The following ITSN2 variants were observed in gnomAD, a reference collection of about 807,000 sequenced individuals.
ITSN2 encodes intersectin 2.
Under a neutral mutation model 243.7 loss-of-function variants are expected in ITSN2, and 156 were observed. The observed-to-expected ratio is 0.64, with a 90% CI of 0.56 to 0.73. The LOEUF is 0.73. ITSN2 is among the 30% of genes least tolerant of loss of function. The probability of loss-of-function intolerance (pLI) is 0.00; values close to 1 mark genes in which losing one functional copy is unlikely to be tolerated. For synonymous variants in ITSN2, 703 were observed against 699.9 expected (o/e 1.00, Z -0.07); for missense variants, 1,801 against 1,996.1 (o/e 0.90, Z 1.86).
At chr2:24,285,691 T>C (rs2151555066) in intron 16 of ITSN2, among the ~76,000 whole-genome samples, 1 of 152,364 alleles carries the variant, frequency 6.6e-6, no homozygotes, top group Non-Finnish European at 1.5e-5. Context: ...GCTCTGCCAC[T>C]GCGGCAAACA....
chr2:24,286,617 A>G (rs1679540493), intron 15 of ITSN2, among the ~76,000 whole-genome samples: 1 of 152,210 alleles, frequency 6.6e-6, no homozygotes, highest in African/African-American at 2.4e-5. Context: ...TTTAGGAAAG[A>G]TGCTTCACCA....
chr2:24,328,075 G>A lies in ITSN2; in HGVS notation c.8C>T (p.Ala3Val), dbSNP rs1685352729. The A allele has an allele frequency of 5.6e-6, 9 of 1,613,316 alleles. No individual in the cohort carries two copies. The highest frequency in any genetic ancestry group is 2.2e-5 in the East Asian group (1 of 44,844). Reference protein sequence around the residue: MMAQFPTAMNGGP... With the variant: MMVQFPTAMNGGP... ...ACCATTCATAGCTGTGGGAAACTGA[G>A]CCATCATGGTCCTGAGTTTTCCTTG... The change falls in exon 2 of 40, where the codon GCT (alanine) becomes GTT (valine). Residue 3 changes from alanine to valine, a missense_variant. This residue lies in a region of ITSN2 where 77 missense variants were observed against 90.1 expected (regional missense o/e 0.85). Coordinates refer to ENST00000355123, the MANE Select transcript of ITSN2 (RefSeq NM_006277.3).
intron 29 of ITSN2, among the ~76,000 whole-genome samples, chr2:24,222,668 C>CTTTTTTTTTTTTTT (rs56149622): frequency 2.5e-4 from 19 of 77,240 alleles, no homozygotes; most frequent in East Asian, 7.5e-4. Context: ...TTTTTCTTTT[C>CTTTTTTTTTTTTTT]TTTTTTTTTT....
At chr2:24,317,712 G>A (rs1449851365) in intron 2 of ITSN2, among the ~76,000 whole-genome samples, 1 of 152,236 alleles carries the variant, frequency 6.6e-6, no homozygotes, top group African/African-American at 2.4e-5. Flanking sequence ...AATTGTCTGT[G>A]TCACCTATGT....
At position 24,360,492 on chromosome 2, in the gene ITSN2, C is replaced by A. The variant is rs1198991706; in HGVS notation, c.-222G>T. ...CCTGTCACAGCCGCTCAGGGCTCCG[C>A]CGGCGCCGCCTCAGCCCCACAACAA... On this transcript the variant is annotated 5_prime_UTR_variant, in exon 1 of 40. Transcript: ENST00000355123. 1 of 152,084 alleles carries A rather than the reference C, an allele frequency of 6.6e-6. No individual in the cohort carries two copies. The highest frequency in any genetic ancestry group is 1.5e-5 in the Non-Finnish European group (1 of 68,026). 9.4% of individuals were successfully genotyped at this position (152,084 alleles called of 1,614,324 possible).
intron 1 of ITSN2, among the ~76,000 whole-genome samples, chr2:24,348,735 T>C (rs1255792938): frequency 6.6e-6 from 1 of 152,154 alleles, no homozygotes; most frequent in Admixed American, 6.6e-5. Context: ...CTGTGATTGG[T>C]AGTTTCACAT....
intron 1 of ITSN2, among the ~76,000 whole-genome samples, chr2:24,346,035 C>T (rs1687494669): frequency 6.6e-6 from 1 of 152,072 alleles, no homozygotes; most frequent in African/African-American, 2.4e-5. Context: ...TTTGCGCTAC[C>T]CTTCTACCAC....
intron 1 of ITSN2, among the ~76,000 whole-genome samples, chr2:24,329,036 T>A (rs1685487004): frequency 6.6e-6 from 1 of 152,228 alleles, no homozygotes; most frequent in Admixed American, 6.5e-5. Flanking sequence ...TTTTTGAGAC[T>A]CAGATTACTC....
Position 24,248,846 on chromosome 2 carries a change from T to C in ITSN2, c.3157A>G (p.Lys1053Glu). 1 of 1,613,856 alleles carries C rather than the reference T, an allele frequency of 6.2e-7. No homozygotes were observed. Among genetic ancestry groups the C allele is most frequent in the Non-Finnish European group, 8.5e-7 (1 of 1,179,808 alleles). Residue 1053 changes from lysine to glutamate, a missense_variant, in exon 26 of 40, where the codon AAA becomes GAA. Lys to Glu is a moderately conservative substitution (Grantham distance 56, BLOSUM62 1). Coordinates refer to ENST00000355123, the MANE Select transcript of ITSN2 (RefSeq NM_006277.3). ...TCACTACTATACGTACCAGGTTTTT[T>C]ATTTGATGCTCCAGACTTGCTAGCA... is the stretch of plus-strand genomic sequence containing the variant. Reference protein sequence around the residue: ...GSASKSGASNKKPEIAQVTSA... With the variant: ...GSASKSGASNEKPEIAQVTSA...
At chr2:24,263,217 C>G (rs1272855068) in intron 20 of ITSN2, among the ~76,000 whole-genome samples, 1 of 152,060 alleles carries the variant, frequency 6.6e-6, no homozygotes, top group Non-Finnish European at 1.5e-5. Context: ...TTACATATCT[C>G]TCTTCCATTT....
chr2:24,359,133 A>G (rs1688718716), intron 1 of ITSN2, among the ~76,000 whole-genome samples: 1 of 152,230 alleles, frequency 6.6e-6, no homozygotes, highest in Non-Finnish European at 1.5e-5. Flanking sequence ...GTATCTTTAA[A>G]TTTGGAAGGA....
intron 29 of ITSN2, among the ~76,000 whole-genome samples, chr2:24,224,910 G>T (rs564641015): frequency 6.6e-6 from 1 of 152,182 alleles, no homozygotes; most frequent in Non-Finnish European, 1.5e-5. Context: ...GATTACAGGC[G>T]TGAGCCACCA....
intron 2 of ITSN2, among the ~76,000 whole-genome samples, chr2:24,320,495 C>T (rs1265276592): frequency 4.9e-5 from 6 of 121,312 alleles, no homozygotes; most frequent in Non-Finnish European, 9.7e-5. Context: ...GTCCGCAGTC[C>T]GGCCTGGGCG....
At chr2:24,274,044 A>G (rs1024985264) in intron 18 of ITSN2, among the ~76,000 whole-genome samples, 2 of 152,196 alleles carry the variant, frequency 1.3e-5, no homozygotes, top group African/African-American at 4.8e-5. Flanking sequence ...AACTAGTATA[A>G]TCTTTTGGCC....
At chr2:24,251,867 C>T (rs944632525) in intron 25 of ITSN2, among the ~76,000 whole-genome samples, 21 of 152,114 alleles carry the variant, frequency 1.4e-4, no homozygotes, top group Non-Finnish European at 2.6e-4. Context: ...CTATGGGGTT[C>T]CTCAATAATT....
chr2:24,349,537 T>C (rs1417066173), intron 1 of ITSN2, among the ~76,000 whole-genome samples: 1 of 152,162 alleles, frequency 6.6e-6, no homozygotes, highest in Non-Finnish European at 1.5e-5. Context: ...GTTCCATAGC[T>C]TAAATGTTTA....
At position 24,313,507 on chromosome 2, in the gene ITSN2, A is replaced by G. The variant is rs1326197318; in HGVS notation, c.141T>C (p.Asn47=). 3 of 1,613,516 alleles carry G rather than the reference A, an allele frequency of 1.9e-6. No homozygotes were observed. Among genetic ancestry groups the G allele is most frequent in the Non-Finnish European group, 2.5e-6 (3 of 1,179,642 alleles). The change falls in exon 4 of 40, where the codon AAT becomes AAC. Residue 47 remains asparagine (N), a synonymous_variant. Transcript: ENST00000355123. ...CCGGCAGACCTGATTGTAGGAAAAA[A>G]TTACGTGCTTGATCACCTGGAGGTA... ...GGYITGDQAR[N]FFLQSGLPAP... is the part of the protein sequence containing the mutation.
At chr2:24,293,820 T>C (rs1680598310) in intron 14 of ITSN2, 45 bp from the exon 15 acceptor site, 2 of 583,242 alleles carry the variant, frequency 3.4e-6, no homozygotes, top group African/African-American at 3.9e-5. Flanking sequence ...GTTATAATAT[T>C]GTCCAAGAGT....
Position 24,298,928 on chromosome 2 carries a change from G to A in ITSN2, c.1345-114C>T, listed in dbSNP as rs541627470. 4.6e-6 allele frequency: 4 copies of A among 865,980 alleles called. No homozygotes were observed. In the East Asian group the frequency reaches 1.1e-4, roughly 24 times the overall value. The allele number at this position is 865,980 out of a possible 1,614,324, so 53.6% of individuals were successfully genotyped here. ...GAGTTTAGCACTTAGTGGCTTTAGT[G>A]CCTAAGGGTAGCTAGGCAAATCTAG... On this transcript the variant is annotated intron_variant, in intron 12 of 39. Coordinates refer to ENST00000355123, the MANE Select transcript of ITSN2 (RefSeq NM_006277.3).
Sources: allele counts gnomAD v4.1 joint callset (sites outside exome capture counted in the v4.1 genomes callset), GRCh38; gene constraint gnomAD v4.1.1; regional missense constraint gnomAD v4.1.1; transcripts MANE v1.5; gene names NCBI Gene and HGNC (gene_info 2026-07-23, HGNC 2026-07-21).